The following SEM1 variants were observed in gnomAD, a reference collection of about 807,000 sequenced individuals.
SEM1 encodes 26S proteasome complex subunit SEM1.
In SEM1, 3 loss-of-function variants were observed where a neutral mutation model predicts 12.7. The ratio of observed to expected loss-of-function variants is 0.24; its 90% confidence interval spans 0.11 to 0.61. The LOEUF (loss-of-function observed/expected upper bound fraction) is 0.61, where lower values mean the gene tolerates loss of function less well. Among genes scored for constraint, SEM1 ranks in the 20% least tolerant of loss-of-function variants. The pLI is 0.88. For missense variants in SEM1, 59 were observed against 81.3 expected (o/e 0.73, Z 1.06); for synonymous variants, 30 against 27.8 (o/e 1.08, Z -0.25).
At chr7:96,555,352 A>G (rs891951794) in intron 2 of SEM1, among the ~76,000 whole-genome samples, 37 of 149,166 alleles carry the variant, frequency 2.5e-4, no homozygotes, top group African/African-American at 8.1e-4. Flanking sequence ...CCCTCTACAC[A>G]CTGTTTGAAT....
At chr7:96,585,917 T>C (rs918570873) in intron 2 of SEM1, among the ~76,000 whole-genome samples, 4 of 152,194 alleles carry the variant, frequency 2.6e-5, no homozygotes, top group Non-Finnish European at 4.4e-5. Flanking sequence ...AATGCAGAAA[T>C]CACCCGTCTT....
intron 2 of SEM1, chr7:96,673,994 T>G: frequency 5.2e-5 from 32 of 613,898 alleles, no homozygotes; most frequent in Non-Finnish European, 5.9e-5. Context: ...TCCCCATCTC[T>G]ACCTCCCCTC....
At chr7:96,618,177 G>T (rs1807778117), downstream of SEM1, among the ~76,000 whole-genome samples, 1 of 152,116 alleles carries the variant, frequency 6.6e-6, no homozygotes. Context: ...GTTGTTGGGA[G>T]ACTTTTTTAT....
intron 2 of SEM1, among the ~76,000 whole-genome samples, chr7:96,519,668 A>T (rs1400219970): frequency 1.3e-5 from 2 of 152,114 alleles, no homozygotes; most frequent in Non-Finnish European, 2.9e-5. Context: ...CCCTCCACAT[A>T]GCTGAGATTT....
chr7:96,632,637 G>A (rs894775181), intron 2 of SEM1, among the ~76,000 whole-genome samples: 2 of 151,948 alleles, frequency 1.3e-5, no homozygotes, highest in Admixed American at 1.3e-4. Flanking sequence ...AATCACCATG[G>A]CACGTGTATA....
At chr7:96,670,025 A>G (rs571026157), downstream of SEM1, among the ~76,000 whole-genome samples, 9 of 152,220 alleles carry the variant, frequency 5.9e-5, no homozygotes, top group Non-Finnish European at 7.3e-5. Flanking sequence ...TGACTAGTAC[A>G]TAACTGAGCC....
chr7:96,615,239 A>ATTTTTTTTTTTTTTTTTTTTTT lies in SEM1; in HGVS notation c.170+79558_170+79559insAAAAAAAAAAAAAAAAAAAAAA, dbSNP rs1421596853. On this transcript the variant is annotated intron_variant and NMD_transcript_variant, in intron 2 of 3. Transcript: ENST00000466986. ...GGACTGTTGGGTTATTTTTTGAGTCATCTTTTTTTTTTTTTTTTTTTTTTT... is the reference window on the plus strand; with the variant it reads ...GGACTGTTGGGTTATTTTTTGAGTCATTTTTTTTTTTTTTTTTTTTTTTCTTTTTTTTTTTTTTTTTTTTTTT... Among the ~76,000 whole-genome samples, 6 of 98,178 alleles carry ATTTTTTTTTTTTTTTTTTTTTT rather than the reference A, an allele frequency of 6.1e-5. 2 individuals carry two copies. Among genetic ancestry groups the ATTTTTTTTTTTTTTTTTTTTTT allele is most frequent in the African/African-American group, 4.2e-5 (1 of 23,782 alleles). The allele number at this position is 98,178 out of a possible 152,430, so 64.4% of individuals were successfully genotyped here. A position where few individuals can be genotyped will look rare whatever the true frequency, so the allele number is the denominator to read the frequency against.
chr7:96,534,891 A>C (rs1439751116), intron 2 of SEM1, among the ~76,000 whole-genome samples: 1 of 151,962 alleles, frequency 6.6e-6, no homozygotes, highest in Non-Finnish European at 1.5e-5. Context: ...TTAAGAAAAA[A>C]TTCTTTTTAA....
At chr7:96,631,672 A>G (rs528250972) in intron 2 of SEM1, among the ~76,000 whole-genome samples, 72 of 152,330 alleles carry the variant, frequency 4.7e-4, no homozygotes, top group Admixed American at 1.3e-3. Flanking sequence ...AAACACCAAA[A>G]GCAATGGCAA....
chr7:96,572,694 A>G lies in SEM1; in HGVS notation c.171-65996T>C, dbSNP rs576497247. Among the ~76,000 whole-genome samples, 3 of 152,218 alleles carry G rather than the reference A, an allele frequency of 2.0e-5. No individual in the cohort carries two copies. In the East Asian group the frequency reaches 5.8e-4, roughly 29 times the overall value. Reference sequence around the variant, plus strand: ...TTTTGCATTTGCTGAGAAGTGTTTTACTTCCAATTATGTGGTCATTTTTAG... The same window carrying G: ...TTTTGCATTTGCTGAGAAGTGTTTTGCTTCCAATTATGTGGTCATTTTTAG... On this transcript the variant is annotated intron_variant and NMD_transcript_variant, in intron 2 of 3. Coordinates refer to the SEM1 transcript ENST00000466986.
downstream of SEM1, chr7:96,673,078 T>C (rs1584852810): frequency 2.0e-5 from 3 of 152,242 alleles, no homozygotes; most frequent in Admixed American, 2.0e-4. Context: ...TAATAAAACA[T>C]GGAAGTCATT....
At position 96,606,311 on chromosome 7, in the gene SEM1, C is replaced by T. The variant is rs1046893637; in HGVS notation, c.170+88487G>A. Among the ~76,000 whole-genome samples, 9 of 152,250 alleles carry T rather than the reference C, an allele frequency of 5.9e-5. No individual in the cohort carries two copies. The East Asian group carries it at 9.7e-4, about 16-fold the overall frequency. Reference sequence around the variant, plus strand: ...CAACTTTAAGTAAACTAGATTTATACGGAGAACAAGGGCAAAAAATATGGA... The same window carrying T: ...CAACTTTAAGTAAACTAGATTTATATGGAGAACAAGGGCAAAAAATATGGA... On this transcript the variant is annotated intron_variant and NMD_transcript_variant, in intron 2 of 3. Coordinates refer to the SEM1 transcript ENST00000466986.
intron 2 of SEM1, among the ~76,000 whole-genome samples, chr7:96,552,958 T>C (rs1316461393): frequency 6.6e-6 from 1 of 151,476 alleles, no homozygotes; most frequent in Non-Finnish European, 1.5e-5. Flanking sequence ...ATGATGAGCA[T>C]TTTTTCATGT....
chr7:96,515,130 T>C (rs1435198652), intron 2 of SEM1, among the ~76,000 whole-genome samples: 1 of 152,078 alleles, frequency 6.6e-6, no homozygotes, highest in Non-Finnish European at 1.5e-5. Flanking sequence ...GCAATGTCAA[T>C]ACAATGGAGA....
chr7:96,672,340 G>C (rs181148382), downstream of SEM1, among the ~76,000 whole-genome samples: 1 of 152,150 alleles, frequency 6.6e-6, no homozygotes, highest in African/African-American at 2.4e-5. Flanking sequence ...CCATTATTAC[G>C]ATAAATGCAG....
intron 2 of SEM1, among the ~76,000 whole-genome samples, chr7:96,582,939 A>G (rs1289055710): frequency 2.0e-5 from 3 of 152,084 alleles, no homozygotes; most frequent in African/African-American, 7.2e-5. Flanking sequence ...GGATTCATTA[A>G]TTTTTTGAAG....
At chr7:96,680,857 A>C (rs1393389979) in intron 2 of SEM1, among the ~76,000 whole-genome samples, 3 of 152,132 alleles carry the variant, frequency 2.0e-5, no homozygotes, top group Non-Finnish European at 2.9e-5. Flanking sequence ...ATTGTTTGTC[A>C]TTAGTTTCTG....
intron 2 of SEM1, among the ~76,000 whole-genome samples, chr7:96,529,566 T>C (rs1252046991): frequency 6.6e-6 from 1 of 151,970 alleles, no homozygotes; most frequent in African/African-American, 2.4e-5. Flanking sequence ...ATGGCAAAAA[T>C]TTTTGCATTA....
At chr7:96,613,343 T>C (rs1018075023) in intron 2 of SEM1, among the ~76,000 whole-genome samples, 3 of 152,208 alleles carry the variant, frequency 2.0e-5, no homozygotes, top group Non-Finnish European at 4.4e-5. Flanking sequence ...TCTGCCTAGT[T>C]TTCTTATTAC....
Sources: gnomAD v4.1 joint callset for allele counts (sites outside exome capture counted in the v4.1 genomes callset) on GRCh38, gnomAD v4.1.1 for gene constraint, MANE v1.5 for transcripts, NCBI Gene and HGNC (gene_info 2026-07-23, HGNC 2026-07-21) for gene names.